Variants in SNX24 observed in about 807,000 individuals in gnomAD.
SNX24 encodes the protein sorting nexin 24.
Under a neutral mutation model 28.7 loss-of-function variants are expected in SNX24, and 22 were observed. The observed-to-expected ratio is 0.77, with a 90% CI of 0.55 to 1.10. The LOEUF is 1.10. SNX24 is among the 50% of genes least tolerant of loss of function. The probability of loss-of-function intolerance (pLI) is 0.00; values close to 1 mark genes in which losing one functional copy is unlikely to be tolerated. For synonymous variants in SNX24, 69 were observed against 71.5 expected (o/e 0.96, Z 0.18); for missense variants, 221 against 201.1 (o/e 1.10, Z -0.60).
chr5:123,007,252 A>T (rs1164837681), intron 6 of SNX24, among the ~76,000 whole-genome samples: 1 of 152,258 alleles, frequency 6.6e-6, no homozygotes, highest in Non-Finnish European at 1.5e-5. Flanking sequence ...GACAACTTGG[A>T]CTAAATGCAC....
At chr5:122,894,813 G>T (rs1277322418) in intron 1 of SNX24, among the ~76,000 whole-genome samples, 1 of 152,170 alleles carries the variant, frequency 6.6e-6, no homozygotes, top group East Asian at 1.9e-4. Flanking sequence ...AATTCTGAGT[G>T]TTGACTGCAC....
At chr5:122,941,494 C>A (rs150399735) in intron 2 of SNX24, among the ~76,000 whole-genome samples, 1 of 152,150 alleles carries the variant, frequency 6.6e-6, no homozygotes, top group African/African-American at 2.4e-5. Flanking sequence ...GCAAGTTCTC[C>A]TTTTTCCATG....
At chr5:122,916,257 A>G (rs1377930000) in intron 1 of SNX24, among the ~76,000 whole-genome samples, 1 of 152,184 alleles carries the variant, frequency 6.6e-6, no homozygotes, top group Non-Finnish European at 1.5e-5. Context: ...AGACTTCTTC[A>G]TTCTGATTGC....
At chr5:122,917,360 G>T (rs1758224303) in intron 1 of SNX24, among the ~76,000 whole-genome samples, 2 of 152,114 alleles carry the variant, frequency 1.3e-5, no homozygotes, top group Non-Finnish European at 2.9e-5. Flanking sequence ...GTTTCTCCAT[G>T]GAAAATACTC....
At chr5:122,946,012 CT>C in intron 2 of SNX24, 42 bp from the exon 3 acceptor site, 1 of 865,960 alleles carries the variant, frequency 1.2e-6, no homozygotes, top group Non-Finnish European at 1.6e-6. Context: ...ACAGACATCT[CT>C]GTTTTTTTTT....
chr5:123,005,279 G>A (rs1307783773), intron 6 of SNX24, among the ~76,000 whole-genome samples: 1 of 152,036 alleles, frequency 6.6e-6, no homozygotes, highest in Non-Finnish European at 1.5e-5. Context: ...TCAGCTCTTG[G>A]TGGACATACA....
intron 1 of SNX24, among the ~76,000 whole-genome samples, chr5:122,892,786 T>G (rs1757029285): frequency 6.6e-6 from 1 of 151,790 alleles, no homozygotes; most frequent in Admixed American, 6.6e-5. Flanking sequence ...TATTTTTTTC[T>G]GAGATGGAGT....
intron 3 of SNX24, among the ~76,000 whole-genome samples, chr5:122,954,809 TC>T (rs1188375636): frequency 2.6e-5 from 4 of 152,168 alleles, no homozygotes; most frequent in African/African-American, 9.6e-5. Context: ...TTTATTCTTG[TC>T]TTTAGTTTTC....
intron 1 of SNX24, among the ~76,000 whole-genome samples, chr5:122,897,436 G>T (rs754958940): frequency 2.6e-5 from 4 of 152,070 alleles, no homozygotes; most frequent in Non-Finnish European, 5.9e-5. Context: ...TATTTTGGAT[G>T]CATTCATAAG....
At chr5:122,967,984 A>G (rs1487085304) in intron 3 of SNX24, among the ~76,000 whole-genome samples, 19 of 152,234 alleles carry the variant, frequency 1.2e-4, no homozygotes, top group Non-Finnish European at 1.5e-5. Context: ...CTTTTGAAAG[A>G]AAACAAATCT....
chr5:122,995,740 T>C (rs992937753), intron 3 of SNX24, among the ~76,000 whole-genome samples: 3 of 152,236 alleles, frequency 2.0e-5, no homozygotes, highest in African/African-American at 7.2e-5. Flanking sequence ...TTCTTGATGT[T>C]TTACTGCATA....
intron 3 of SNX24, among the ~76,000 whole-genome samples, chr5:122,958,473 C>T (rs1760317089): frequency 6.6e-6 from 1 of 152,068 alleles, no homozygotes; most frequent in South Asian, 2.1e-4. Context: ...AAGCTGGTCT[C>T]AAACTCTTGA....
chr5:122,896,454 G>T (rs1757207425), intron 1 of SNX24, among the ~76,000 whole-genome samples: 1 of 152,160 alleles, frequency 6.6e-6, no homozygotes, highest in Admixed American at 6.5e-5. Context: ...AGCTGCAGCT[G>T]GCGAATGCTG....
intron 3 of SNX24, 64 bp from the exon 4 acceptor site, chr5:122,999,848 T>C: frequency 1.1e-6 from 1 of 947,786 alleles, no homozygotes. Flanking sequence ...TTTGAAATAG[T>C]TCATTTGATT....
intron 1 of SNX24, among the ~76,000 whole-genome samples, chr5:122,928,310 ATCTTC>A (rs1223779962): frequency 2.0e-5 from 3 of 152,188 alleles, no homozygotes; most frequent in African/African-American, 7.2e-5. Flanking sequence ...GAAATAATGG[ATCTTC>A]AACAATGTCC....
intron 1 of SNX24, among the ~76,000 whole-genome samples, chr5:122,876,231 G>A (rs1428448978): frequency 6.6e-6 from 1 of 152,206 alleles, no homozygotes; most frequent in African/African-American, 2.4e-5. Flanking sequence ...CATTTTGAAA[G>A]TGTATATATT....
intron 1 of SNX24, among the ~76,000 whole-genome samples, chr5:122,859,777 G>C (rs1374924877): frequency 6.6e-6 from 1 of 152,110 alleles, no homozygotes; most frequent in East Asian, 1.9e-4. Flanking sequence ...ATTTCAGAGT[G>C]GCATGAGACA....
At chr5:122,851,175 G>T (rs887648521) in intron 1 of SNX24, among the ~76,000 whole-genome samples, 2 of 152,042 alleles carry the variant, frequency 1.3e-5, no homozygotes, top group Non-Finnish European at 2.9e-5. Flanking sequence ...TTTTGTTTTT[G>T]ATTTTTTGAG....
At chr5:122,900,378 A>G (rs1757384173) in intron 1 of SNX24, among the ~76,000 whole-genome samples, 1 of 152,210 alleles carries the variant, frequency 6.6e-6, no homozygotes, top group African/African-American at 2.4e-5. Context: ...TTTTTTTTAA[A>G]AAAATGAAGA....
Sources: allele counts gnomAD v4.1 joint callset (sites outside exome capture counted in the v4.1 genomes callset), GRCh38; gene constraint gnomAD v4.1.1; transcripts MANE v1.5; gene names NCBI Gene and HGNC (gene_info 2026-07-23, HGNC 2026-07-21).